The following BSPH1 variants were observed in gnomAD, a reference collection of about 807,000 sequenced individuals.
BSPH1 encodes binder of sperm protein homolog 1, also known as binder of sperm 1.
A neutral mutation model predicts 22.5 loss-of-function variants in BSPH1; 21 were observed. The observed-to-expected ratio is 0.93, with a 90% CI of 0.66 to 1.35. BSPH1 has a LOEUF of 1.35. Ranked by LOEUF, BSPH1 falls within the 40% of genes most tolerant of loss-of-function variation. The probability of loss-of-function intolerance (pLI) is 0.00; values close to 1 mark genes in which losing one functional copy is unlikely to be tolerated. For synonymous variants in BSPH1, 42 were observed against 53.6 expected (o/e 0.78, Z 0.95); for missense variants, 141 against 154.2 (o/e 0.91, Z 0.45).
chr19:47,980,032 A>G (rs1969403853), intron 2 of BSPH1, among the ~76,000 whole-genome samples: 1 of 152,150 alleles, frequency 6.6e-6, no homozygotes, highest in Admixed American at 6.5e-5. Flanking sequence ...AAGGTATACA[A>G]TCATAAAATA....
At chr19:47,980,675 T>A (rs1389290485) in intron 2 of BSPH1, among the ~76,000 whole-genome samples, 1 of 152,028 alleles carries the variant, frequency 6.6e-6, no homozygotes, top group Non-Finnish European at 1.5e-5. Flanking sequence ...TTTCACCTTG[T>A]TAGCCAGGAT....
intron 1 of BSPH1, among the ~76,000 whole-genome samples, chr19:47,985,072 AAAAAAAG>A (rs200521388): frequency 0.08 from 10,947 of 136,212 alleles, 463 homozygotes; most frequent in East Asian, 0.21. Flanking sequence ...TGAAAAAAAA[AAAAAAAG>A]AAAGAAAAAG....
intron 4 of BSPH1, among the ~76,000 whole-genome samples, chr19:47,977,169 C>G (rs528455221): frequency 6.6e-6 from 1 of 152,316 alleles, no homozygotes; most frequent in African/African-American, 2.4e-5. Context: ...TAAAAAGATT[C>G]TTTTCAAAAT....
intron 5 of BSPH1, among the ~76,000 whole-genome samples, chr19:47,975,208 T>C (rs1321265562): frequency 6.6e-6 from 1 of 152,188 alleles, no homozygotes; most frequent in Non-Finnish European, 1.5e-5. Flanking sequence ...CATGTTTTTT[T>C]CCTTTTGAGA....
chr19:47,986,906 C>T (rs1189772773), intron 1 of BSPH1, among the ~76,000 whole-genome samples: 1 of 152,186 alleles, frequency 6.6e-6, no homozygotes, highest in Non-Finnish European at 1.5e-5. Context: ...AGAAACTATT[C>T]CATGCCTCTC....
chr19:47,971,619 A>C (rs1222040873), intron 5 of BSPH1, among the ~76,000 whole-genome samples: 1 of 152,186 alleles, frequency 6.6e-6, no homozygotes, highest in Non-Finnish European at 1.5e-5. Context: ...CTCTTGTTCT[A>C]GTCCTCAATA....
At chr19:47,969,003 TA>T (rs34349485) in intron 5 of BSPH1, among the ~76,000 whole-genome samples, 54,819 of 127,642 alleles carry the variant, frequency 0.43, 12,757 homozygotes, top group Non-Finnish European at 0.54. Context: ...TATCTCAGAT[TA>T]AAAAAAAAAA....
intron 1 of BSPH1, among the ~76,000 whole-genome samples, chr19:47,981,596 G>A (rs1460642506): frequency 6.6e-6 from 1 of 152,142 alleles, no homozygotes; most frequent in African/African-American, 2.4e-5. Flanking sequence ...CCCCCCGGAG[G>A]GGTTGGTTCA....
intron 1 of BSPH1, among the ~76,000 whole-genome samples, chr19:47,990,977 TA>T (rs1969517216): frequency 6.6e-6 from 1 of 152,224 alleles, no homozygotes; most frequent in Non-Finnish European, 1.5e-5. Context: ...ATTATTTTAT[TA>T]GCCGAACTTT....
chr19:47,980,703 C>CTCGT (rs1298791982), intron 2 of BSPH1, among the ~76,000 whole-genome samples: 2 of 152,078 alleles, frequency 1.3e-5, no homozygotes, highest in East Asian at 3.9e-4. Context: ...ATCTCCTGAC[C>CTCGT]TCGTGATCCC....
intron 4 of BSPH1, among the ~76,000 whole-genome samples, 198 bp from the exon 5 acceptor site, chr19:47,977,052 C>T (rs1009815216): frequency 2.0e-5 from 3 of 152,242 alleles, no homozygotes; most frequent in Non-Finnish European, 4.4e-5. Context: ...CGCAAATACA[C>T]ACTTTTGCTT....
chr19:47,990,150 A>G lies in BSPH1; in HGVS notation c.73+1859T>C, dbSNP rs1246242945. 2.0e-5 allele frequency among the ~76,000 whole-genome samples: 3 copies of G among 151,238 alleles called. No individual in the cohort carries two copies. The East Asian group carries it at 5.8e-4, about 29-fold the overall frequency. ...AAAAAAAAAAAAAAAAAGAGACAAT[A>G]AGTCCAGGAGGCAGATGCTTGCAAG... On this transcript the variant is annotated intron_variant, in intron 1 of 5. Transcript: ENST00000344839.
chr19:47,976,576 A>T, intron 5 of BSPH1, 134 bp downstream of exon 5: 1 of 646,610 alleles, frequency 1.5e-6, no homozygotes, highest in East Asian at 2.8e-5. Context: ...TTCAACTCAC[A>T]TCCCAGAAAA....
chr19:47,978,233 T>C (rs1260882270), intron 3 of BSPH1, among the ~76,000 whole-genome samples: 1 of 151,810 alleles, frequency 6.6e-6, no homozygotes, highest in Non-Finnish European at 1.5e-5. Flanking sequence ...ACCTCTGGAG[T>C]AGCTGGGACT....
chr19:47,983,129 C>A (rs1435390010), intron 1 of BSPH1, among the ~76,000 whole-genome samples: 1 of 152,168 alleles, frequency 6.6e-6, no homozygotes, highest in Middle Eastern at 3.2e-3. Context: ...TTCAGCCAGT[C>A]CATCAACCCA....
intron 5 of BSPH1, among the ~76,000 whole-genome samples, chr19:47,971,341 G>C (rs1341934841): frequency 2.6e-5 from 4 of 152,126 alleles, no homozygotes; most frequent in African/African-American, 9.7e-5. Context: ...GAGTAGCTGG[G>C]ATTACAGGCG....
At chr19:47,971,103 G>A (rs141157428) in intron 5 of BSPH1, among the ~76,000 whole-genome samples, 6 of 152,116 alleles carry the variant, frequency 3.9e-5, no homozygotes, top group African/African-American at 1.4e-4. Context: ...ATGGTGTTGG[G>A]ATCTCTAAAG....
intron 5 of BSPH1, among the ~76,000 whole-genome samples, chr19:47,969,841 TTA>T (rs1969295602): frequency 6.6e-6 from 1 of 151,200 alleles, no homozygotes; most frequent in South Asian, 2.1e-4. Context: ...ACTTTAGAAT[TTA>T]TGTTTGTGTA....
chr19:47,980,839 G>A, intron 2 of BSPH1, 82 bp downstream of exon 2: 6 of 719,716 alleles, frequency 8.3e-6, no homozygotes, highest in Admixed American at 3.2e-5. Flanking sequence ...TTTCTTACCA[G>A]GAAAGGGAAT....
Sources: allele counts gnomAD v4.1 joint callset (sites outside exome capture counted in the v4.1 genomes callset), GRCh38; gene constraint gnomAD v4.1.1; transcripts MANE v1.5; gene names NCBI Gene and HGNC (gene_info 2026-07-23, HGNC 2026-07-21).